DAPK2: variants seen among roughly 807,000 people sequenced by gnomAD.
The protein encoded by DAPK2 is death associated protein kinase 2.
In DAPK2, 35 loss-of-function variants were observed where a neutral mutation model predicts 44.1. The observed-to-expected ratio is 0.79, with a 90% CI of 0.61 to 1.05. The LOEUF is 1.05. Among genes scored for constraint, DAPK2 ranks in the 50% least tolerant of loss-of-function variants. DAPK2 has a pLI of 0.00. For synonymous variants in DAPK2, 174 were observed against 182.6 expected, an observed-to-expected ratio of 0.95 and a Z score of 0.38; for missense variants, 453 against 483.2, an observed-to-expected ratio of 0.94 and a Z score of 0.59.
rs534205927 is a variant in DAPK2, at chr15:64,001,891, C to G, written c.93-18137G>C. Among the ~76,000 whole-genome samples the G allele has an allele frequency of 5.3e-5, 8 of 152,312 alleles. No individual in the cohort carries two copies. The East Asian group carries it at 1.2e-3, about 22-fold the overall frequency. On this transcript the variant is annotated intron_variant, in intron 1 of 10. Transcript: ENST00000261891. ...AATCCTAGGCACCCCAATATTCATG[C>G]CACATTTCCTTTGGTTCTGACCCTC...
intron 1 of DAPK2, among the ~76,000 whole-genome samples, chr15:64,027,653 G>A (rs982819989): frequency 4.6e-5 from 7 of 152,184 alleles, no homozygotes; most frequent in Non-Finnish European, 1.0e-4. Context: ...TAAGGGGAAA[G>A]TACAGAAAAC....
At chr15:63,938,205 A>G (rs2077214834) in intron 4 of DAPK2, among the ~76,000 whole-genome samples, 1 of 152,228 alleles carries the variant, frequency 6.6e-6, no homozygotes, top group Admixed American at 6.5e-5. Context: ...TAATGGGAAG[A>G]GCACAGGCTT....
intron 2 of DAPK2, among the ~76,000 whole-genome samples, chr15:63,977,138 G>C (rs1410194113): frequency 6.6e-6 from 1 of 152,172 alleles, no homozygotes; most frequent in African/African-American, 2.4e-5. Flanking sequence ...AGGGTGAAGA[G>C]AGACTGAGAT....
intron 1 of DAPK2, among the ~76,000 whole-genome samples, chr15:63,992,668 C>A (rs1380054603): frequency 2.0e-5 from 3 of 152,210 alleles, no homozygotes; most frequent in Non-Finnish European, 4.4e-5. Flanking sequence ...TGGCCACTTT[C>A]TCAAGGAAAT....
intron 3 of DAPK2, among the ~76,000 whole-genome samples, chr15:63,954,132 T>TTGCTG (rs2077661205): frequency 6.6e-6 from 1 of 152,246 alleles, no homozygotes; most frequent in Admixed American, 6.5e-5. Context: ...ATTGTTTTCT[T>TTGCTG]TGCTGTGCAG....
At position 63,962,243 on chromosome 15, in the gene DAPK2, C is replaced by T. The variant is rs377377203; in HGVS notation, c.453+9180G>A. Among the ~76,000 whole-genome samples the T allele has an allele frequency of 3.3e-5, 5 of 152,286 alleles. No homozygotes were observed. In the East Asian group the frequency reaches 9.7e-4, roughly 29 times the overall value. ...CTGTTTATTCTAGTCAGCCATTCGT[C>T]TAATCTTTTTTCAAGGTTTTTAGCT... is the stretch of plus-strand genomic sequence containing the variant. On this transcript the variant is annotated intron_variant, in intron 3 of 10. Coordinates refer to ENST00000261891, the Ensembl canonical transcript of DAPK2.
chr15:63,947,033 C>T (rs1240662043), intron 3 of DAPK2, among the ~76,000 whole-genome samples: 1 of 148,544 alleles, frequency 6.7e-6, no homozygotes, highest in African/African-American at 2.5e-5. Context: ...CCAATACGTG[C>T]CTCTGTGTGG....
chr15:63,992,458 G>A (rs1259171573), intron 1 of DAPK2, among the ~76,000 whole-genome samples: 1 of 151,974 alleles, frequency 6.6e-6, no homozygotes, highest in East Asian at 1.9e-4. Flanking sequence ...CCTAAGTGCT[G>A]TAAACAAGAC....
chr15:63,983,812 C>A (rs1165656170), intron 1 of DAPK2, 58 bp from the exon 3 acceptor site: 1 of 1,510,190 alleles, frequency 6.6e-7, no homozygotes, highest in Non-Finnish European at 9.0e-7. Flanking sequence ...GGGAAATGAC[C>A]CCACTGTCAG....
chr15:64,002,328 G>A (rs2079104925), intron 1 of DAPK2, among the ~76,000 whole-genome samples: 1 of 152,140 alleles, frequency 6.6e-6, no homozygotes, highest in Non-Finnish European at 1.5e-5. Context: ...CTTCTTATTG[G>A]AAACACAAAT....
At position 63,977,325 on chromosome 15, in the gene DAPK2, C is replaced by A. The variant is rs575457148; in HGVS notation, c.315-5764G>T. 1.3e-3 allele frequency among the ~76,000 whole-genome samples: 198 copies of A among 152,220 alleles called. 4 individuals carry two copies. Among genetic ancestry groups the A allele is most frequent in the Non-Finnish European group, 1.4e-3 (93 of 68,020 alleles). ...TTTGCCCCACTCTGACCCTTGCCCC[C>A]ACCTTGGGCAGGTGCTGGAAGCTGG... On this transcript the variant is annotated intron_variant, in intron 2 of 10. Transcript: ENST00000261891.
At chr15:64,029,169 G>A (rs2079938372) in intron 1 of DAPK2, among the ~76,000 whole-genome samples, 1 of 137,376 alleles carries the variant, frequency 7.3e-6, no homozygotes, top group Admixed American at 8.1e-5. Context: ...TTTCCATAAT[G>A]CAGACAGAGC....
chr15:64,027,277 G>A (rs1327021116), intron 1 of DAPK2, among the ~76,000 whole-genome samples: 12 of 152,216 alleles, frequency 7.9e-5, no homozygotes, highest in African/African-American at 2.4e-4. Context: ...TCAGCTACTC[G>A]GGAGGCTGAG....
chr15:63,994,410 A>AAAGGAAGGAAGG (rs56254515), intron 1 of DAPK2, among the ~76,000 whole-genome samples: 118 of 141,822 alleles, frequency 8.3e-4, no homozygotes, highest in African/African-American at 2.3e-3. Flanking sequence ...TGTTAAAAGA[A>AAAGGAAGGAAGG]AAGGAAGGAA....
In DAPK2 at chr15:64,023,877, G is replaced by A. The variant is rs137952096; in HGVS notation, c.92+16293C>T. 1.4e-3 allele frequency among the ~76,000 whole-genome samples: 208 copies of A among 152,332 alleles called. 1 individual carries two copies. The highest frequency in any genetic ancestry group is 4.5e-3 in the African/African-American group (186 of 41,566). On this transcript the variant is annotated intron_variant, in intron 1 of 10. Transcript: ENST00000261891. ...CAGGAGGCGGAAGACTGCATCGTGCGGGGGTCAGAGATGGCTTTTTGTTTA... is the reference window on the plus strand; with the variant it reads ...CAGGAGGCGGAAGACTGCATCGTGCAGGGGTCAGAGATGGCTTTTTGTTTA...
chr15:63,979,780 G>A (rs755793821), intron 2 of DAPK2, among the ~76,000 whole-genome samples: 5 of 152,098 alleles, frequency 3.3e-5, no homozygotes, highest in Non-Finnish European at 7.4e-5. Context: ...GCCAGGCATG[G>A]GGGCACATAC....
At chr15:64,034,635 T>TA (rs1430883942) in intron 1 of DAPK2, among the ~76,000 whole-genome samples, 5 of 130,920 alleles carry the variant, frequency 3.8e-5, no homozygotes, top group Admixed American at 1.7e-4. Flanking sequence ...GATGTAGATT[T>TA]AAATAAGTTC....
chr15:64,011,281 T>G (rs1465886025), intron 1 of DAPK2, among the ~76,000 whole-genome samples: 1 of 152,160 alleles, frequency 6.6e-6, no homozygotes, highest in African/African-American at 2.4e-5. Flanking sequence ...GATCTCAAGC[T>G]GGGCACAGTG....
chr15:63,907,423 A>G (rs1378290477), exon 11 of DAPK2: 1 of 150,950 alleles, frequency 6.6e-6, no homozygotes, highest in Non-Finnish European at 1.5e-5. Context: ...CGTCTCTGGC[A>G]ACTTTTTTTT....
Sources: allele counts gnomAD v4.1 joint callset (sites outside exome capture counted in the v4.1 genomes callset), GRCh38; gene constraint gnomAD v4.1.1; transcripts MANE v1.5; gene names NCBI Gene and HGNC (gene_info 2026-07-23, HGNC 2026-07-21).